The following BICRA variants were observed in gnomAD, a reference collection of about 807,000 sequenced individuals.
The protein encoded by BICRA is BRD4 interacting chromatin remodeling complex associated protein, also known as BRD4-interacting chromatin-remodeling complex-associated protein.
Under a neutral mutation model 96.9 loss-of-function variants are expected in BICRA, and 31 were observed. That is an observed-to-expected ratio of 0.32 (90% CI 0.24 to 0.43). The LOEUF is 0.43. BICRA is among the 20% of genes least tolerant of loss of function. The probability of loss-of-function intolerance (pLI) is 1.00; values close to 1 mark genes in which losing one functional copy is unlikely to be tolerated. For missense variants in BICRA, 2,283 were observed against 2,190.3 expected (o/e 1.04, Z -0.84); for synonymous variants, 1,350 against 1,071.8 (o/e 1.26, Z -5.07).
intron 1 of BICRA, among the ~76,000 whole-genome samples, chr19:47,670,210 T>C (rs1972843727): frequency 6.6e-6 from 1 of 152,072 alleles, no homozygotes; most frequent in Non-Finnish European, 1.5e-5. Context: ...TGCCTCAGCC[T>C]CCCAAAGTGC....
intron 1 of BICRA, among the ~76,000 whole-genome samples, chr19:47,627,623 A>G (rs1568549652): frequency 6.6e-6 from 1 of 152,182 alleles, no homozygotes; most frequent in Non-Finnish European, 1.5e-5. Context: ...AAGGACAGCC[A>G]TTGCAGTTCC....
At position 47,679,734 on chromosome 19, in the gene BICRA, C is replaced by T; in HGVS notation, c.564C>T (p.Val188=). ...HQALVPPQDV[V]NKALSVQPFL... ...CCCTGGTGCCGCCCCAGGACGTGGT[C>T]AACAAGGCCCTGAGTGTGCAGCCCT... is the stretch of plus-strand genomic sequence containing the variant. The change falls in exon 6 of 15, where the codon GTC becomes GTT. Residue 188 remains valine, a synonymous_variant. Transcript: ENST00000594866. The T allele has an allele frequency of 1.3e-6, 2 of 1,537,364 alleles. No individual in the cohort carries two copies. Among genetic ancestry groups the T allele is most frequent in the Non-Finnish European group, 1.7e-6 (2 of 1,142,988 alleles).
At position 47,680,133 on chromosome 19, in the gene BICRA, G is replaced by A. The variant is rs559186138; in HGVS notation, c.963G>A (p.Ser321=). The part of the protein sequence containing the change: ...GAASAPTGTP[S]GQPLAVAPGL... ...CCTCGGCTCCCACCGGGACGCCCTC[G>A]GGACAGCCGCTGGCGGTGGCCCCAG... Residue 321 remains serine, a synonymous_variant, in exon 6 of 15, where the codon TCG becomes TCA. Transcript: ENST00000594866. 6 of 1,526,396 alleles carry A rather than the reference G, an allele frequency of 3.9e-6. No homozygotes were observed. In the African/African-American group the frequency reaches 5.6e-5, roughly 14 times the overall value. The allele number at this position is 1,526,396 out of a possible 1,614,324, so 94.6% of individuals were successfully genotyped here.
intron 1 of BICRA, among the ~76,000 whole-genome samples, chr19:47,648,684 T>G (rs1190973056): frequency 1.4e-5 from 2 of 143,440 alleles, no homozygotes; most frequent in Admixed American, 7.0e-5. Flanking sequence ...TTTTTGTTTG[T>G]TTTTTTTTTT....
At position 47,610,614 on chromosome 19, in the gene BICRA, C is replaced by G. The variant is rs538704230; in HGVS notation, c.-108+1446C>G. On this transcript the variant is annotated intron_variant, in intron 1 of 14. Transcript: ENST00000594866. ...ACCATCGTCCCCTTTTGTCACCCCC[C>G]CCCCACACACACACCTACCTACCCA... Among the ~76,000 whole-genome samples the G allele has an allele frequency of 7.9e-3, 1,119 of 142,114 alleles. 12 individuals are homozygous for G. Among genetic ancestry groups the G allele is most frequent in the African/African-American group, 0.03 (1,036 of 34,060 alleles). The allele number at this position is 142,114 out of a possible 152,430, so 93.2% of individuals were successfully genotyped here.
chr19:47,676,170 C>T (rs1322324819), intron 5 of BICRA, among the ~76,000 whole-genome samples: 1 of 152,044 alleles, frequency 6.6e-6, no homozygotes, highest in Non-Finnish European at 1.5e-5. Context: ...GGTGAGGGTC[C>T]CCGAGGCCTT....
chr19:47,620,786 T>C (rs150755889), intron 1 of BICRA, among the ~76,000 whole-genome samples: 430 of 151,616 alleles, frequency 2.8e-3, no homozygotes, highest in Non-Finnish European at 5.3e-3. Context: ...GGAATCCCGA[T>C]GAGTGGCGTC....
intron 1 of BICRA, among the ~76,000 whole-genome samples, chr19:47,632,876 T>C (rs1972241271): frequency 6.6e-6 from 1 of 151,988 alleles, no homozygotes; most frequent in Non-Finnish European, 1.5e-5. Context: ...GCTGTCTCCT[T>C]CTCAGGCAAG....
At position 47,702,445 on chromosome 19, in the gene BICRA, TC is replaced by T; in HGVS notation, c.*32del. The T allele has an allele frequency of 6.9e-7, 1 of 1,450,972 alleles. No individual in the cohort carries two copies. The highest frequency in any genetic ancestry group is 1.4e-5 in the South Asian group (1 of 71,140). 89.9% of individuals were successfully genotyped at this position (1,450,972 alleles called of 1,614,324 possible). A position where few individuals can be genotyped will look rare whatever the true frequency, so the allele number is the denominator to read the frequency against. On this transcript the variant is annotated 3_prime_UTR_variant, in exon 15 of 15. Transcript: ENST00000594866. ...GGGCCGCCTCCCCTTCCCCGTCCCC[TC>T]CTCCCGAAGACGCCGGGACAGTCGG...
chr19:47,680,942 G>A lies in BICRA; in HGVS notation c.1772G>A (p.Ser591Asn). The change falls in exon 6 of 15, where the codon AGC becomes AAC. Residue 591 changes from serine (S) to asparagine (N), a missense_variant. Ser to Asn is a conservative substitution (Grantham distance 46). Transcript: ENST00000594866. Reference protein sequence around the residue: ...TVLQGVTLPPSAVAMLNTPDG... With the variant: ...TVLQGVTLPPNAVAMLNTPDG... ...CTCCAGGGGGTCACCCTGCCCCCCA[G>A]CGCCGTGGCCATGCTCAACACCCCC... The A allele has an allele frequency of 6.8e-7, 1 of 1,479,390 alleles. No homozygotes were observed. 91.6% of individuals were successfully genotyped at this position (1,479,390 alleles called of 1,614,324 possible).
chr19:47,660,748 T>A (rs1485712446), intron 1 of BICRA, among the ~76,000 whole-genome samples: 1 of 152,172 alleles, frequency 6.6e-6, no homozygotes, highest in African/African-American at 2.4e-5. Context: ...GCTGGCATCA[T>A]CATGTAGTTC....
chr19:47,641,762 A>T (rs964985731), intron 1 of BICRA, among the ~76,000 whole-genome samples: 1 of 152,208 alleles, frequency 6.6e-6, no homozygotes, highest in Non-Finnish European at 1.5e-5. Flanking sequence ...TAGTGATTAC[A>T]TTGAATCTAT....
intron 1 of BICRA, among the ~76,000 whole-genome samples, chr19:47,664,054 T>C (rs1475592534): frequency 6.6e-6 from 1 of 152,228 alleles, no homozygotes; most frequent in Non-Finnish European, 1.5e-5. Flanking sequence ...GTCAGGCTTC[T>C]GCGAGCGGAG....
At chr19:47,633,217 T>C (rs1972248053) in intron 1 of BICRA, among the ~76,000 whole-genome samples, 1 of 151,316 alleles carries the variant, frequency 6.6e-6, no homozygotes, top group African/African-American at 2.4e-5. Context: ...GTAGCTGGGA[T>C]TATAGGTGCC....
intron 1 of BICRA, among the ~76,000 whole-genome samples, chr19:47,642,771 C>A (rs539684218): frequency 6.6e-6 from 1 of 152,190 alleles, no homozygotes; most frequent in African/African-American, 2.4e-5. Flanking sequence ...AGTTGTTTAC[C>A]ACCAGCAATG....
chr19:47,702,419 C>T lies in BICRA; in HGVS notation c.*4C>T, dbSNP rs1438833942. The T allele has an allele frequency of 2.1e-5, 31 of 1,485,688 alleles. No individual in the cohort carries two copies. Among genetic ancestry groups the T allele is most frequent in the Non-Finnish European group, 2.6e-5 (29 of 1,133,990 alleles). 92.0% of individuals were successfully genotyped at this position (1,485,688 alleles called of 1,614,324 possible). On this transcript the variant is annotated 3_prime_UTR_variant, in exon 15 of 15. Coordinates refer to ENST00000594866, the MANE Select transcript of BICRA (RefSeq NM_001394372.1). Reference sequence around the variant, plus strand: ...CGCCAGGACGTTGACCAGATAACACCGGGCCGCCTCCCCTTCCCCGTCCCC... The same window carrying T: ...CGCCAGGACGTTGACCAGATAACACTGGGCCGCCTCCCCTTCCCCGTCCCC...
chr19:47,698,581 A>AG lies in BICRA; in HGVS notation c.3249-53_3249-52insG. 1.4e-6 allele frequency: 1 copy of AG among 740,236 alleles called. No individual in the cohort carries two copies. The highest frequency in any genetic ancestry group is 2.5e-6 in the Non-Finnish European group (1 of 405,556). The allele number at this position is 740,236 out of a possible 1,614,324, so 45.9% of individuals were successfully genotyped here. On this transcript the variant is annotated intron_variant, in intron 11 of 14. Coordinates refer to ENST00000594866, the MANE Select transcript of BICRA (RefSeq NM_001394372.1). The surrounding 1 kb of genome is among the most constrained non-coding windows in gnomAD (Gnocchi z 4.8). ...GGTTCAGGGACTTCCCCTGGCCCTCACCCGTCCCCCCCACCCTCCGCCGTG... is the reference window on the plus strand; with the variant it reads ...GGTTCAGGGACTTCCCCTGGCCCTCAGCCCGTCCCCCCCACCCTCCGCCGTG...
At chr19:47,629,024 T>A (rs1362938910) in intron 1 of BICRA, among the ~76,000 whole-genome samples, 2 of 151,722 alleles carry the variant, frequency 1.3e-5, no homozygotes, top group Non-Finnish European at 2.9e-5. Flanking sequence ...TTTTTTGAGA[T>A]GCAGTCTCGC....
rs2123616412 is a variant in BICRA at position 47,701,403 on chromosome 19, A to T, written c.3671A>T (p.His1224Leu). ...ASSEGHRLPG[H>L]GPLSSSAPGA... ...TCCGAGGGTCATCGGCTTCCCGGCC[A>T]CGGCCCCCTGTCGTCTTCAGCTCCC... The change falls in exon 15 of 15, where the codon CAC (histidine) becomes CTC (leucine). Residue 1224 changes from histidine to leucine, a missense_variant. Coordinates refer to ENST00000594866, the MANE Select transcript of BICRA (RefSeq NM_001394372.1). This position sits in a 1 kb window ranked among gnomAD's most constrained non-coding sequence, Gnocchi z 5.4. The T allele has an allele frequency of 6.2e-7, 1 of 1,602,474 alleles. No individual in the cohort carries two copies. The highest frequency in any genetic ancestry group is 8.5e-7 in the Non-Finnish European group (1 of 1,175,496).
Sources: gnomAD v4.1 joint callset for allele counts (sites outside exome capture counted in the v4.1 genomes callset) on GRCh38, gnomAD v4.1.1 for gene constraint, Gnocchi (gnomAD v3.1) non-coding constraint, MANE v1.5 for transcripts, NCBI Gene and HGNC (gene_info 2026-07-23, HGNC 2026-07-21) for gene names.